The following ZNF536 variants were observed in gnomAD, a reference collection of about 807,000 sequenced individuals.
ZNF536 encodes zinc finger protein 536.
Under a neutral mutation model 84.5 loss-of-function variants are expected in ZNF536, and 13 were observed. That is an observed-to-expected ratio of 0.15 (90% confidence interval 0.10 to 0.24). ZNF536 has a LOEUF of 0.24. Among genes scored for constraint, ZNF536 ranks in the 10% least tolerant of loss-of-function variants. ZNF536 has a pLI of 1.00. For missense variants in ZNF536, 1,536 were observed against 1,747.5 expected (o/e 0.88, Z 2.16); for synonymous variants, 811 against 742.5 (o/e 1.09, Z -1.50).
intron 2 of ZNF536, among the ~76,000 whole-genome samples, chr19:30,496,020 T>G (rs2054705249): frequency 6.6e-6 from 1 of 152,218 alleles, no homozygotes; most frequent in Non-Finnish European, 1.5e-5. Flanking sequence ...GTGTATTCAG[T>G]GCCTGGCACA....
chr19:30,583,002 A>T (rs1599879545), intron 1 of ZNF536, among the ~76,000 whole-genome samples: 1 of 152,082 alleles, frequency 6.6e-6, no homozygotes, highest in Admixed American at 6.5e-5. Flanking sequence ...GGCCTTAGGG[A>T]TCCTCCTAAC....
chr19:30,510,297 G>T (rs1297927595), intron 2 of ZNF536, among the ~76,000 whole-genome samples: 1 of 152,194 alleles, frequency 6.6e-6, no homozygotes, highest in Non-Finnish European at 1.5e-5. Flanking sequence ...GCTGATAAAT[G>T]AATACGCAGA....
chr19:30,419,160 C>G (rs980936022), intron 1 of ZNF536, among the ~76,000 whole-genome samples: 8 of 152,130 alleles, frequency 5.3e-5, no homozygotes, highest in African/African-American at 1.9e-4. Flanking sequence ...GTATCTTTCA[C>G]TTGAAATGTT....
chr19:30,548,140 G>T lies in ZNF536; in HGVS notation c.2521G>T (p.Ala841Ser), dbSNP rs200595340. 1 of 1,614,036 alleles carries T rather than the reference G, an allele frequency of 6.2e-7. No individual in the cohort carries two copies. The highest frequency in any genetic ancestry group is 8.5e-7 in the Non-Finnish European group (1 of 1,179,962). ...LFIRPDILRG[A>S]FKGLPGIDFR... ...CATCAGGCCAGACATCCTGAGGGGG[G>T]CCTTCAAGGGTCTCCCTGGAATCGA... Residue 841 changes from alanine (A) to serine (S), a missense_variant, in exon 4 of 5, where the codon GCC becomes TCC. This residue lies in a region of ZNF536 where 624 missense variants were observed against 603.1 expected (regional missense o/e 1.03). Transcript: ENST00000355537.
chr19:30,262,908 G>A (rs7248031), intron 1 of ZNF536, among the ~76,000 whole-genome samples: 93,319 of 152,096 alleles, frequency 0.61, 30,912 homozygotes, highest in East Asian at 0.92. Flanking sequence ...TTTGCAACAT[G>A]AATGGAGAGC....
rs569794540 is a variant in ZNF536 at position 30,427,093 on chromosome 19, C to A, written c.-2-16468C>A. On this transcript the variant is annotated intron_variant, in intron 1 of 4. Coordinates refer to ENST00000355537, the MANE Select transcript of ZNF536 (RefSeq NM_014717.3). ...GCATATCCACTAACTTGCTGTGGAA[C>A]CATAGGTGAGTTATCCCCTACCATC... 2.0e-5 allele frequency among the ~76,000 whole-genome samples: 3 copies of A among 152,312 alleles called. No homozygotes were observed. The East Asian group carries it at 5.8e-4, about 29-fold the overall frequency.
chr19:30,503,687 G>T (rs2055041997), intron 2 of ZNF536, among the ~76,000 whole-genome samples: 1 of 152,188 alleles, frequency 6.6e-6, no homozygotes, highest in Non-Finnish European at 1.5e-5. Context: ...CCTTGGGTGG[G>T]CTGGGGTCAA....
chr19:30,397,877 A>C (rs2049886364), intron 1 of ZNF536, among the ~76,000 whole-genome samples: 1 of 152,208 alleles, frequency 6.6e-6, no homozygotes. Context: ...GAATACCCTA[A>C]CAGAAAGAAT....
intron 2 of ZNF536, among the ~76,000 whole-genome samples, chr19:30,463,560 C>T (rs962814617): frequency 5.9e-5 from 9 of 152,172 alleles, no homozygotes; most frequent in Admixed American, 1.3e-4. Flanking sequence ...TTTCTTCAGC[C>T]GTCTTTCCAT....
chr19:30,420,425 A>C (rs2050904642), intron 1 of ZNF536, among the ~76,000 whole-genome samples: 1 of 152,128 alleles, frequency 6.6e-6, no homozygotes, highest in African/African-American at 2.4e-5. Flanking sequence ...AGTTATTTTC[A>C]ATTTCATCTA....
At chr19:30,323,371 C>T (rs1434368998) in intron 2 of ZNF536, among the ~76,000 whole-genome samples, 5 of 152,218 alleles carry the variant, frequency 3.3e-5, no homozygotes, top group Non-Finnish European at 5.9e-5. Context: ...CATCTCCTAC[C>T]TCCCGTTTGC....
intron 1 of ZNF536, among the ~76,000 whole-genome samples, chr19:30,682,904 G>T (rs1333410411): frequency 6.6e-6 from 1 of 152,208 alleles, no homozygotes; most frequent in Admixed American, 6.5e-5. Flanking sequence ...CGACAAGATG[G>T]TATATGTTTA....
intron 1 of ZNF536, among the ~76,000 whole-genome samples, chr19:30,379,534 G>A (rs545412086): frequency 2.6e-5 from 4 of 151,516 alleles, no homozygotes; most frequent in South Asian, 4.2e-4. Flanking sequence ...ATGTATCATC[G>A]TTGCCAGGAG....
At chr19:30,615,144 A>ACCG (rs1251293556) in intron 1 of ZNF536, among the ~76,000 whole-genome samples, 1 of 146,896 alleles carries the variant, frequency 6.8e-6, no homozygotes, top group Admixed American at 6.8e-5. Context: ...ACGGGGTTTC[A>ACCG]CCGTGTTAGC....
intron 1 of ZNF536, among the ~76,000 whole-genome samples, chr19:30,692,672 T>C (rs1387345223): frequency 6.6e-6 from 1 of 152,164 alleles, no homozygotes; most frequent in Non-Finnish European, 1.5e-5. Flanking sequence ...TTCGCAGCTG[T>C]TGCAACTGCT....
chr19:30,472,822 A>T (rs906654747), intron 2 of ZNF536, among the ~76,000 whole-genome samples: 8 of 152,078 alleles, frequency 5.3e-5, no homozygotes, highest in African/African-American at 1.9e-4. Flanking sequence ...TATGTTGTCC[A>T]ATGCTGCAAG....
intron 1 of ZNF536, among the ~76,000 whole-genome samples, chr19:30,570,497 C>T (rs1328589629): frequency 6.6e-6 from 1 of 152,096 alleles, no homozygotes; most frequent in Non-Finnish European, 1.5e-5. Flanking sequence ...TTAACTTTTA[C>T]GGAGGTAAAA....
intron 2 of ZNF536, among the ~76,000 whole-genome samples, chr19:30,349,877 A>G (rs183926285): frequency 1.6e-4 from 24 of 152,260 alleles, no homozygotes; most frequent in East Asian, 1.5e-3. Flanking sequence ...CGCATCTTCA[A>G]ATGGAGAAGT....
intron 2 of ZNF536, among the ~76,000 whole-genome samples, chr19:30,489,205 A>G (rs1036106796): frequency 6.6e-6 from 1 of 152,234 alleles, no homozygotes; most frequent in Non-Finnish European, 1.5e-5. Flanking sequence ...ACAGAAAACA[A>G]AAGACAGAAA....
Sources: allele counts gnomAD v4.1 joint callset (sites outside exome capture counted in the v4.1 genomes callset), GRCh38; gene constraint gnomAD v4.1.1; regional missense constraint gnomAD v4.1.1; transcripts MANE v1.5; gene names NCBI Gene and HGNC (gene_info 2026-07-23, HGNC 2026-07-21).